Variants in LRRFIP1 observed in about 807,000 individuals in gnomAD.
The protein encoded by LRRFIP1 is LRR binding FLII interacting protein 1.
In LRRFIP1, 62 loss-of-function variants were observed where a neutral mutation model predicts 104.4. That is an observed-to-expected ratio of 0.59 (90% confidence interval 0.48 to 0.73). LRRFIP1 has a LOEUF of 0.73. LRRFIP1 is among the 30% of genes least tolerant of loss of function. LRRFIP1 has a pLI of 0.00. For synonymous variants in LRRFIP1, 300 were observed against 299.0 expected (o/e 1.00, Z -0.03); for missense variants, 796 against 824.5 (o/e 0.97, Z 0.42).
Position 237,749,246 on chromosome 2 carries a change from G to T in LRRFIP1, c.717G>T (p.Leu239=), listed in dbSNP as rs528777961. ...TGTCTGCAGCCACGCTGGCCTCTCT[G>T]GGTGGGACTTCCTCTCGGAGAGGCA... ...PGLSAATLAS[L]GGTSSRRGSG... is the part of the protein sequence containing the mutation. Residue 239 remains leucine (L), a synonymous_variant, in exon 13 of 24, where the codon CTG becomes CTT. Coordinates refer to ENST00000308482, the MANE Select transcript of LRRFIP1 (RefSeq NM_001137550.2). 1 of 1,613,938 alleles carries T rather than the reference G, an allele frequency of 6.2e-7. No homozygotes were observed. Among genetic ancestry groups the T allele is most frequent in the South Asian group, 1.1e-5 (1 of 91,048 alleles).
At chr2:237,719,702 T>C (rs747419324) in intron 5 of LRRFIP1, 135 bp downstream of exon 5, 10 of 574,088 alleles carry the variant, frequency 1.7e-5, no homozygotes, top group Non-Finnish European at 2.7e-5. Context: ...CTAATACTAT[T>C]AATGATAGAA....
At chr2:237,702,504 G>A (rs1334838622) in intron 1 of LRRFIP1, among the ~76,000 whole-genome samples, 2 of 152,100 alleles carry the variant, frequency 1.3e-5, no homozygotes, top group East Asian at 1.9e-4. Flanking sequence ...CTTGTCAGAG[G>A]AGCTCCTCCC....
chr2:237,699,843 C>T (rs1324285807), intron 1 of LRRFIP1, among the ~76,000 whole-genome samples: 2 of 152,178 alleles, frequency 1.3e-5, no homozygotes, highest in African/African-American at 4.8e-5. Flanking sequence ...AACACTTCCG[C>T]CACTGCCAGC....
At chr2:237,712,804 C>G (rs1385160107) in intron 2 of LRRFIP1, among the ~76,000 whole-genome samples, 3 of 151,344 alleles carry the variant, frequency 2.0e-5, no homozygotes, top group Admixed American at 2.0e-4. Flanking sequence ...CCCTCACGCT[C>G]TTCTTTGCAT....
chr2:237,701,947 G>C (rs966686303), intron 1 of LRRFIP1, among the ~76,000 whole-genome samples: 4 of 152,222 alleles, frequency 2.6e-5, no homozygotes, highest in Non-Finnish European at 5.9e-5. Context: ...CCCTGCAGGG[G>C]GAGAAGGGTC....
At chr2:237,686,815 C>T (rs887470844) in intron 1 of LRRFIP1, among the ~76,000 whole-genome samples, 5 of 152,250 alleles carry the variant, frequency 3.3e-5, no homozygotes, top group East Asian at 1.9e-4. Context: ...ACCAGCTGGC[C>T]GTGGGGTACC....
chr2:237,635,090 G>A (rs1170502342), intron 1 of LRRFIP1, among the ~76,000 whole-genome samples: 1 of 152,084 alleles, frequency 6.6e-6, no homozygotes, highest in Admixed American at 6.6e-5. Context: ...CTGCCTTCTT[G>A]GATTGCTGTC....
In LRRFIP1 at chr2:237,757,485, G is replaced by A. The variant is rs765170106; in HGVS notation, c.1161G>A (p.Ala387=). The stretch of plus-strand genomic sequence containing the variant: ...TCCGACAGCTACAGCAGAAACAGGC[G>A]AGTTCTATCAGGGAGATTTCTGATC... ...EEIRQLQQKQ[A]SSIREISDLQ... The change falls in exon 17 of 24, where the codon GCG becomes GCA. Residue 387 remains alanine (A), a synonymous_variant. Coordinates refer to ENST00000308482, the MANE Select transcript of LRRFIP1 (RefSeq NM_001137550.2). 5.6e-6 allele frequency: 9 copies of A among 1,596,552 alleles called. No homozygotes were observed. Among genetic ancestry groups the A allele is most frequent in the Admixed American group, 1.7e-5 (1 of 57,444 alleles).
intron 8 of LRRFIP1, 88 bp from the exon 9 acceptor site, chr2:237,733,686 T>G: frequency 7.6e-7 from 1 of 1,318,986 alleles, no homozygotes; most frequent in Middle Eastern, 1.8e-4. Flanking sequence ...CTATGGTGAA[T>G]GCTGAAACTA....
At chr2:237,724,788 G>A (rs1054647609) in intron 7 of LRRFIP1, among the ~76,000 whole-genome samples, 1 of 152,096 alleles carries the variant, frequency 6.6e-6, no homozygotes, top group Non-Finnish European at 1.5e-5. Context: ...GTTAGCAATG[G>A]TCAGGAACAC....
At position 237,689,051 on chromosome 2, in the gene LRRFIP1, GAA is replaced by G. The variant is rs60153114; in HGVS notation, c.97-19480_97-19479del. On this transcript the variant is annotated intron_variant, in intron 1 of 23. Transcript: ENST00000308482. ...CTCACAATTGACCTTGCTCTACGTT[GAA>G]AAAAAAAAAAAAGACTGGGGGTGGG... Among the ~76,000 whole-genome samples, 80 of 130,500 alleles carry G rather than the reference GAA, an allele frequency of 6.1e-4. No individual in the cohort carries two copies. The South Asian group carries it at 0.019, about 31-fold the overall frequency. The allele number at this position is 130,500 out of a possible 152,430, so 85.6% of individuals were successfully genotyped here.
chr2:237,739,285 C>A lies in LRRFIP1; in HGVS notation c.609C>A (p.Ala203=). Residue 203 remains alanine, a synonymous_variant, in exon 11 of 24, where the codon GCC becomes GCA. Coordinates refer to ENST00000308482, the MANE Select transcript of LRRFIP1 (RefSeq NM_001137550.2). ...CCAGCTCCCGCGCCTCCTCCAGGGCCAGCTCGGCCCGGGCCAGCCCTGTGG... is the reference window on the plus strand; with the variant it reads ...CCAGCTCCCGCGCCTCCTCCAGGGCAAGCTCGGCCCGGGCCAGCCCTGTGG... ...LNSSSRASSR[A]SSARASPVVE... 6.4e-7 allele frequency: 1 copy of A among 1,562,750 alleles called. No homozygotes were observed. The highest frequency in any genetic ancestry group is 2.4e-5 in the East Asian group (1 of 41,988).
chr2:237,723,487 AT>A, intron 6 of LRRFIP1, 60 bp from the exon 7 acceptor site: 2 of 1,551,596 alleles, frequency 1.3e-6, no homozygotes, highest in Middle Eastern at 1.7e-4. Flanking sequence ...TAGCTTTTAA[AT>A]TTACTTTTGG....
intron 1 of LRRFIP1, among the ~76,000 whole-genome samples, chr2:237,647,042 T>A (rs1690603209): frequency 6.6e-6 from 1 of 152,086 alleles, no homozygotes; most frequent in Non-Finnish European, 1.5e-5. Context: ...CTGACCATGA[T>A]GGTTTGTTGT....
intron 8 of LRRFIP1, among the ~76,000 whole-genome samples, chr2:237,731,256 C>G (rs1355087682): frequency 6.6e-6 from 1 of 152,204 alleles, no homozygotes; most frequent in Non-Finnish European, 1.5e-5. Flanking sequence ...CTTCCCCGCC[C>G]TGTCCCCAAT....
chr2:237,630,010 A>G (rs1327953512), intron 1 of LRRFIP1, among the ~76,000 whole-genome samples: 2 of 152,206 alleles, frequency 1.3e-5, no homozygotes, highest in African/African-American at 4.8e-5. Flanking sequence ...ATGGAGAAGA[A>G]GAAACCTCCC....
At position 237,733,341 on chromosome 2, in the gene LRRFIP1, T is replaced by TA. The variant is rs568163823; in HGVS notation, c.445-430dup. Among the ~76,000 whole-genome samples the TA allele has an allele frequency of 3.9e-5, 6 of 152,312 alleles. No homozygotes were observed. The East Asian group carries it at 1.2e-3, about 29-fold the overall frequency. On this transcript the variant is annotated intron_variant, in intron 8 of 23. Transcript: ENST00000308482. Reference sequence around the variant, plus strand: ...TGTCGCTGGGCCCCTGGCATAGAAATAAAGACTCTTCCTGCTCCTGTCTTC... The same window carrying TA: ...TGTCGCTGGGCCCCTGGCATAGAAATAAAAGACTCTTCCTGCTCCTGTCTTC...
intron 1 of LRRFIP1, among the ~76,000 whole-genome samples, chr2:237,638,449 G>A (rs1247117043): frequency 2.6e-5 from 4 of 152,246 alleles, no homozygotes; most frequent in Non-Finnish European, 2.9e-5. Context: ...ACCTCCTGCT[G>A]TGTGTCCCAG....
intron 1 of LRRFIP1, among the ~76,000 whole-genome samples, chr2:237,645,807 A>C (rs1346428600): frequency 6.6e-6 from 1 of 152,018 alleles, no homozygotes; most frequent in Non-Finnish European, 1.5e-5. Flanking sequence ...AGAGCAGACT[A>C]AGAAAGATGA....
Sources: gnomAD v4.1 joint callset for allele counts (sites outside exome capture counted in the v4.1 genomes callset) on GRCh38, gnomAD v4.1.1 for gene constraint, MANE v1.5 for transcripts, NCBI Gene and HGNC (gene_info 2026-07-23, HGNC 2026-07-21) for gene names.